PXYLP1: variants seen among roughly 807,000 people sequenced by gnomAD.
PXYLP1 encodes 2-phosphoxylose phosphatase 1.
PXYLP1 carries 17 observed loss-of-function variants against 37.9 expected under a neutral mutation model. The ratio of observed to expected loss-of-function variants is 0.45; its 90% confidence interval spans 0.31 to 0.67. The LOEUF is 0.67. Among genes scored for constraint, PXYLP1 ranks in the 30% least tolerant of loss-of-function variants. PXYLP1 has a pLI of 0.07. For missense variants in PXYLP1, 511 were observed against 612.0 expected (o/e 0.84, Z 1.74); for synonymous variants, 221 against 232.2 (o/e 0.95, Z 0.44).
chr3:141,264,837 T>G (rs1409850889), intron 2 of PXYLP1, among the ~76,000 whole-genome samples: 2 of 152,232 alleles, frequency 1.3e-5, no homozygotes, highest in African/African-American at 4.8e-5. Flanking sequence ...TTCATAGGGT[T>G]GGCAAAGGAT....
At chr3:141,288,970 G>A (rs540612253) in intron 5 of PXYLP1, among the ~76,000 whole-genome samples, 6 of 152,230 alleles carry the variant, frequency 3.9e-5, no homozygotes, top group Admixed American at 1.3e-4. Context: ...GGTCCCCAGC[G>A]ATAACAAATG....
chr3:141,278,416 G>T lies in PXYLP1; in HGVS notation c.154G>T (p.Val52Leu). Residue 52 changes from valine (V) to leucine (L), a missense_variant, in exon 3 of 6, where the codon GTG (valine) becomes TTG (leucine). Transcript: ENST00000286353. ...KSRKRIMPDP[V>L]TEPPVTDPVY... is the part of the protein sequence containing the mutation. Reference sequence around the variant, plus strand: ...TCGAAAGAGAATCATGCCCGACCCTGTGACGGAGCCCCCTGTGACAGACCC... The same window carrying T: ...TCGAAAGAGAATCATGCCCGACCCTTTGACGGAGCCCCCTGTGACAGACCC... 6.2e-7 allele frequency: 1 copy of T among 1,614,234 alleles called. No individual in the cohort carries two copies. Among genetic ancestry groups the T allele is most frequent in the Non-Finnish European group, 8.5e-7 (1 of 1,180,036 alleles).
chr3:141,258,814 A>G (rs566497382), intron 1 of PXYLP1: 1 of 152,440 alleles, frequency 6.6e-6, no homozygotes, highest in South Asian at 2.1e-4. Flanking sequence ...TAGAGTTACA[A>G]AACCACAAAA....
chr3:141,281,178 T>C (rs978604347), intron 4 of PXYLP1, among the ~76,000 whole-genome samples: 2 of 152,232 alleles, frequency 1.3e-5, no homozygotes, highest in Non-Finnish European at 2.9e-5. Flanking sequence ...AATTTTAGTT[T>C]TATGCTTCTA....
chr3:141,278,358 G>T lies in PXYLP1; in HGVS notation c.96G>T (p.Val32=). Reference sequence around the variant, plus strand: ...TCGTTTCAGTCCACCTGATCCCGGTGTCGACTCCTAAGAATGGAATGAGTA... The same window carrying T: ...TCGTTTCAGTCCACCTGATCCCGGTTTCGACTCCTAAGAATGGAATGAGTA... ...LSLQFFHLIP[V]STPKNGMSSK... Residue 32 remains valine (V), a synonymous_variant, in exon 3 of 6, where the codon GTG becomes GTT. Coordinates refer to ENST00000286353, the MANE Select transcript of PXYLP1 (RefSeq NM_001037172.3). 1 of 1,614,202 alleles carries T rather than the reference G, an allele frequency of 6.2e-7. No homozygotes were observed. The highest frequency in any genetic ancestry group is 2.2e-5 in the East Asian group (1 of 44,884).
chr3:141,274,432 T>C, intron 2 of PXYLP1: 1 of 1,475,948 alleles, frequency 6.8e-7, no homozygotes. Flanking sequence ...GCCTCCCCTC[T>C]GCTCCTCTCC....
intron 2 of PXYLP1, among the ~76,000 whole-genome samples, chr3:141,269,848 A>G (rs192291534): frequency 6.6e-6 from 1 of 152,288 alleles, no homozygotes; most frequent in East Asian, 1.9e-4. Context: ...ATCTAATCCA[A>G]TGGCCCTGTT....
intron 2 of PXYLP1, chr3:141,273,988 T>G: frequency 1.0e-6 from 1 of 985,918 alleles, no homozygotes; most frequent in Non-Finnish European, 1.2e-6. Flanking sequence ...CTGCCCACTA[T>G]TCTTTCTGAT....
At chr3:141,287,199 G>A in intron 4 of PXYLP1, 115 bp from the exon 5 acceptor site, 1 of 1,079,930 alleles carries the variant, frequency 9.3e-7, no homozygotes, top group Non-Finnish European at 1.4e-6. Flanking sequence ...GCCGGTACCT[G>A]TTACTGTGGG....
intron 1 of PXYLP1, among the ~76,000 whole-genome samples, chr3:141,241,055 T>G (rs115762361): frequency 2.5e-3 from 378 of 152,136 alleles, no homozygotes; most frequent in African/African-American, 8.8e-3. Context: ...TTCCAAAGCT[T>G]CTCTTCCTCT....
chr3:141,264,753 C>T (rs1941467291), intron 2 of PXYLP1, among the ~76,000 whole-genome samples: 1 of 152,204 alleles, frequency 6.6e-6, no homozygotes, highest in Non-Finnish European at 1.5e-5. Flanking sequence ...AGCTATGTGA[C>T]CTCAGGCAAC....
intron 4 of PXYLP1, among the ~76,000 whole-genome samples, chr3:141,282,218 C>T (rs758723877): frequency 2.7e-4 from 41 of 152,160 alleles, no homozygotes; most frequent in Non-Finnish European, 4.7e-4. Context: ...CCTAGCTCTT[C>T]CTTCCACATT....
chr3:141,256,070 G>A (rs1941256501), intron 1 of PXYLP1, among the ~76,000 whole-genome samples: 1 of 152,196 alleles, frequency 6.6e-6, no homozygotes, highest in African/African-American at 2.4e-5. Flanking sequence ...CCAGTGGCCA[G>A]GATTTGAAAG....
chr3:141,268,204 A>AGT (rs1260746992), intron 2 of PXYLP1, among the ~76,000 whole-genome samples: 89 of 29,616 alleles, frequency 3.0e-3, no homozygotes, highest in Non-Finnish European at 5.7e-3. Flanking sequence ...AGAGAGAGAG[A>AGT]GAGTGTGTGT....
At chr3:141,262,475 G>A in intron 2 of PXYLP1, 2 of 714,362 alleles carry the variant, frequency 2.8e-6, no homozygotes, top group Non-Finnish European at 4.1e-6. Flanking sequence ...ATGAATGTGT[G>A]TTACTTGTGT....
chr3:141,282,973 A>T (rs1559895284), intron 4 of PXYLP1, among the ~76,000 whole-genome samples: 1 of 147,178 alleles, frequency 6.8e-6, no homozygotes, highest in Non-Finnish European at 1.5e-5. Context: ...AGGCTGTATA[A>T]TTTTTTTTTT....
At chr3:141,242,309 C>T (rs1940824361) in intron 1 of PXYLP1, among the ~76,000 whole-genome samples, 1 of 152,174 alleles carries the variant, frequency 6.6e-6, no homozygotes, top group Admixed American at 6.5e-5. Context: ...GCTGAGTCCT[C>T]TCCATGGGGC....
At chr3:141,233,436 G>A (rs546314412) in intron 1 of PXYLP1, among the ~76,000 whole-genome samples, 17 of 131,000 alleles carry the variant, frequency 1.3e-4, no homozygotes, top group African/African-American at 5.1e-4. Flanking sequence ...TTGCACTCCA[G>A]CTTGGGCAAT....
chr3:141,269,135 G>A (rs756037334), intron 2 of PXYLP1, among the ~76,000 whole-genome samples: 2 of 152,228 alleles, frequency 1.3e-5, no homozygotes, highest in Admixed American at 1.3e-4. Flanking sequence ...TGTCTTTTGA[G>A]CCTTTACACA....
Sources: allele counts gnomAD v4.1 joint callset (sites outside exome capture counted in the v4.1 genomes callset), GRCh38; gene constraint gnomAD v4.1.1; transcripts MANE v1.5; gene names NCBI Gene and HGNC (gene_info 2026-07-23, HGNC 2026-07-21).